The following DGKB variants were observed in gnomAD, a reference collection of about 807,000 sequenced individuals.
The protein encoded by DGKB is 90 kDa diacylglycerol kinase.
In DGKB, 67 loss-of-function variants were observed where a neutral mutation model predicts 114.3. The ratio of observed to expected loss-of-function variants is 0.59; its 90% confidence interval spans 0.48 to 0.72. DGKB has a LOEUF of 0.72. Among genes scored for constraint, DGKB ranks in the 30% least tolerant of loss-of-function variants. DGKB has a pLI of 0.00. For missense variants in DGKB, 907 were observed against 975.2 expected (o/e 0.93, Z 0.93); for synonymous variants, 398 against 323.1 (o/e 1.23, Z -2.49).
intron 1 of DGKB, among the ~76,000 whole-genome samples, chr7:14,900,250 G>A (rs1161717885): frequency 2.0e-5 from 3 of 152,122 alleles, no homozygotes; most frequent in South Asian, 2.1e-4. Flanking sequence ...CAGAATTTGC[G>A]TTGGTGTTTT....
intron 5 of DGKB, among the ~76,000 whole-genome samples, chr7:14,726,905 A>G (rs1289256087): frequency 6.6e-6 from 1 of 152,204 alleles, no homozygotes; most frequent in Non-Finnish European, 1.5e-5. Flanking sequence ...AAGCAGGAAA[A>G]TCCCATTTCC....
chr7:14,203,496 A>G (rs1246498773), intron 23 of DGKB, among the ~76,000 whole-genome samples: 1 of 152,008 alleles, frequency 6.6e-6, no homozygotes, highest in East Asian at 1.9e-4. Context: ...ATGTATTTTT[A>G]AAAGATAGCC....
chr7:14,471,016 A>T (rs1038409175), intron 21 of DGKB, among the ~76,000 whole-genome samples: 2 of 151,076 alleles, frequency 1.3e-5, no homozygotes, highest in Non-Finnish European at 3.0e-5. Flanking sequence ...ATATTCTAGA[A>T]CTTTAATGGA....
Position 14,757,738 on chromosome 7 carries a change from A to C in DGKB, c.71-7T>G. 1.3e-6 allele frequency: 2 copies of C among 1,546,420 alleles called. No homozygotes were observed. The highest frequency in any genetic ancestry group is 1.8e-6 in the Non-Finnish European group (2 of 1,121,756). ...TTTAATTTCTTTGTAGAATCTATAA[A>C]AAACAGAAAACACAAAAATTGTTTA... On this transcript the variant is annotated splice_polypyrimidine_tract_variant and splice_region_variant and intron_variant, in intron 2 of 25. Coordinates refer to ENST00000402815, the MANE Select transcript of DGKB (RefSeq NM_001350709.2).
intron 24 of DGKB, among the ~76,000 whole-genome samples, chr7:14,177,268 A>G (rs774092114): frequency 6.6e-6 from 1 of 152,108 alleles, no homozygotes; most frequent in Non-Finnish European, 1.5e-5. Context: ...TTCTTCTAGC[A>G]CCAACACTTC....
At chr7:14,677,104 C>A (rs1819999781) in intron 12 of DGKB, among the ~76,000 whole-genome samples, 1 of 151,636 alleles carries the variant, frequency 6.6e-6, no homozygotes, top group South Asian at 2.1e-4. Flanking sequence ...AGAGCCAGAT[C>A]TATGTTTATT....
At chr7:14,224,840 A>G (rs755065574) in intron 23 of DGKB, among the ~76,000 whole-genome samples, 6 of 152,002 alleles carry the variant, frequency 3.9e-5, no homozygotes, top group Non-Finnish European at 7.4e-5. Context: ...ACCATATTCA[A>G]TTTCACTAAT....
chr7:14,567,852 C>T (rs558850960), intron 20 of DGKB, among the ~76,000 whole-genome samples: 2 of 151,966 alleles, frequency 1.3e-5, no homozygotes, highest in South Asian at 4.1e-4. Flanking sequence ...GGTGATCTGC[C>T]TTCCTTGGCC....
chr7:14,170,134 CAA>C (rs762339951), intron 25 of DGKB, among the ~76,000 whole-genome samples: 12 of 33,084 alleles, frequency 3.6e-4, no homozygotes, highest in South Asian at 1.1e-3. Context: ...AACTCCATCT[CAA>C]AAAAAAAAAA....
At position 14,769,244 on chromosome 7, in the gene DGKB, A is replaced by AAG. The variant is rs1241128692; in HGVS notation, c.71-11515_71-11514dup. On this transcript the variant is annotated intron_variant, in intron 2 of 25. Transcript: ENST00000402815. The stretch of plus-strand genomic sequence containing the variant: ...AAAGAGAGAGAGAAAGAAAGAAAGA[A>AAG]AGAAAGAAAGAAAGAAAGAAAGAAA... Among the ~76,000 whole-genome samples, 96 of 109,500 alleles carry AAG rather than the reference A, an allele frequency of 8.8e-4. 1 individual carries two copies. Among genetic ancestry groups the AAG allele is most frequent in the Admixed American group, 3.0e-4 (3 of 10,004 alleles). The allele number at this position is 109,500 out of a possible 152,430, so 71.8% of individuals were successfully genotyped here. A position where few individuals can be genotyped will look rare whatever the true frequency, so the allele number is the denominator to read the frequency against.
chr7:14,713,273 A>G (rs1827660325), intron 6 of DGKB, among the ~76,000 whole-genome samples: 8 of 152,102 alleles, frequency 5.3e-5, no homozygotes, highest in Admixed American at 5.2e-4. Context: ...ACTTGCCATT[A>G]TGTGTTGTTG....
At chr7:14,456,979 T>C (rs1832377135) in intron 21 of DGKB, among the ~76,000 whole-genome samples, 1 of 149,530 alleles carries the variant, frequency 6.7e-6, no homozygotes, top group Non-Finnish European at 1.5e-5. Context: ...AAAATTAACT[T>C]CCCACAGGTT....
At chr7:14,249,022 T>C (rs1794857758) in intron 23 of DGKB, among the ~76,000 whole-genome samples, 1 of 152,162 alleles carries the variant, frequency 6.6e-6, no homozygotes, top group Admixed American at 6.5e-5. Context: ...ATTCCTTCTA[T>C]ACCTAATTTG....
At chr7:14,972,014 G>C (rs1440914021) in intron 1 of DGKB, among the ~76,000 whole-genome samples, 2 of 152,096 alleles carry the variant, frequency 1.3e-5, no homozygotes, top group Non-Finnish European at 2.9e-5. Context: ...CCAAAGTGCA[G>C]GGATTACAGG....
At position 14,613,200 on chromosome 7, in the gene DGKB, C is replaced by T. The variant is rs1027941212; in HGVS notation, c.1358+140G>A. ...AATCCTAAAAACAAGATCATATAAA[C>T]ATATTAAATGCTAGCATCATTTATT... On this transcript the variant is annotated intron_variant, in intron 16 of 25. Transcript: ENST00000402815. 116 of 589,308 alleles carry T rather than the reference C, an allele frequency of 2.0e-4. 1 individual carries two copies. The highest frequency in any genetic ancestry group is 1.5e-4 in the Admixed American group (5 of 32,586). 36.5% of individuals were successfully genotyped at this position (589,308 alleles called of 1,614,324 possible). A position where few individuals can be genotyped will look rare whatever the true frequency, so the allele number is the denominator to read the frequency against.
chr7:14,881,853 G>A (rs1854284790), intron 1 of DGKB, among the ~76,000 whole-genome samples: 1 of 151,986 alleles, frequency 6.6e-6, no homozygotes, highest in South Asian at 2.1e-4. Flanking sequence ...CTAAAGGTTA[G>A]TATATATTGC....
At chr7:14,673,701 A>C (rs145832922) in intron 12 of DGKB, among the ~76,000 whole-genome samples, 1 of 152,060 alleles carries the variant, frequency 6.6e-6, no homozygotes, top group Non-Finnish European at 1.5e-5. Context: ...CCTGGTCATA[A>C]GTTTACATTA....
chr7:14,324,446 CAAAAAAA>C (rs5882440), intron 23 of DGKB, among the ~76,000 whole-genome samples: 1 of 118,682 alleles, frequency 8.4e-6, no homozygotes, highest in African/African-American at 3.4e-5. Context: ...GACTCTGTCT[CAAAAAAA>C]AAAAAAAAAG....
chr7:14,703,774 A>C (rs941898610), intron 6 of DGKB, among the ~76,000 whole-genome samples: 11 of 152,112 alleles, frequency 7.2e-5, no homozygotes, highest in Admixed American at 5.2e-4. Context: ...TTTGTTCTCT[A>C]CCTCTCCCAG....
Sources: gnomAD v4.1 joint callset for allele counts (sites outside exome capture counted in the v4.1 genomes callset) on GRCh38, gnomAD v4.1.1 for gene constraint, MANE v1.5 for transcripts, NCBI Gene and HGNC (gene_info 2026-07-23, HGNC 2026-07-21) for gene names.